The following NCOA6 variants were observed in gnomAD, a reference collection of about 807,000 sequenced individuals.
NCOA6 encodes the protein nuclear receptor coactivator 6.
A neutral mutation model predicts 171.4 loss-of-function variants in NCOA6; 49 were observed. That is an observed-to-expected ratio of 0.29 (90% confidence interval 0.23 to 0.36). The LOEUF is 0.36. Among genes scored for constraint, NCOA6 ranks in the 10% least tolerant of loss-of-function variants. The pLI is 1.00. For missense variants in NCOA6, 2,248 were observed against 2,554.5 expected (o/e 0.88, Z 2.59); for synonymous variants, 910 against 927.5 (o/e 0.98, Z 0.34).
chr20:34,775,345 C>T (rs141179222), intron 4 of NCOA6, among the ~76,000 whole-genome samples: 47 of 151,762 alleles, frequency 3.1e-4, no homozygotes, highest in African/African-American at 9.2e-4. Context: ...CGTGCGTGCA[C>T]GTGCTCATCA....
chr20:34,811,234 T>TATATATATATACATAC (rs1344933526), intron 1 of NCOA6, among the ~76,000 whole-genome samples: 9 of 119,956 alleles, frequency 7.5e-5, no homozygotes, highest in Non-Finnish European at 1.4e-4. Context: ...TATATATATA[T>TATATATATATACATAC]ATGCTTTCAA....
chr20:34,741,218 C>T lies in NCOA6; in HGVS notation c.5038G>A (p.Ala1680Thr), dbSNP rs778632318. The change falls in exon 11 of 15, where the codon GCA (alanine) becomes ACA (threonine). Residue 1680 changes from alanine to threonine, a missense_variant. By Grantham distance (58) the Ala-to-Thr change is moderately conservative. Around this residue, in one of 7 missense-constraint regions of NCOA6, gnomAD observed 884 missense variants for 941.9 expected, o/e 0.94. Coordinates refer to ENST00000359003, the MANE Select transcript of NCOA6 (RefSeq NM_014071.5). ...CCAGAGTTGGTTGTCAGTGGGGCTG[C>T]AGGAATTGTGCTTGGCTGTGATCCT... Reference protein sequence around the residue: ...MKGSQPSTIPAAPLTTNSGLM... With the variant: ...MKGSQPSTIPTAPLTTNSGLM... The T allele has an allele frequency of 6.2e-7, 1 of 1,614,218 alleles. No individual in the cohort carries two copies. The highest frequency in any genetic ancestry group is 8.5e-7 in the Non-Finnish European group (1 of 1,180,044).
intron 2 of NCOA6, among the ~76,000 whole-genome samples, chr20:34,789,772 C>G (rs1297277708): frequency 6.6e-6 from 1 of 152,018 alleles, no homozygotes. Context: ...CTCTGAGCAA[C>G]AGAGTGAGAC....
At position 34,741,837 on chromosome 20, in the gene NCOA6, G is replaced by A. The variant is rs780823583; in HGVS notation, c.4419C>T (p.Val1473=). 4.3e-6 allele frequency: 7 copies of A among 1,614,132 alleles called. No homozygotes were observed. The highest frequency in any genetic ancestry group is 2.2e-5 in the East Asian group (1 of 44,884). ...QPSDPNKLPS[V]EENKNLVSPA... ...GAGACACCAAATTTTTGTTCTCTTC[G>A]ACACTGGGAAGTTTGTTAGGATCCG... The change falls in exon 11 of 15, where the codon GTC becomes GTT. Residue 1473 remains valine, a synonymous_variant. Coordinates refer to ENST00000359003, the MANE Select transcript of NCOA6 (RefSeq NM_014071.5).
Position 34,741,303 on chromosome 20 carries a change from G to C in NCOA6, c.4953C>G (p.Ala1651=), listed in dbSNP as rs1190505889. ...AGACAGGTGTAATGAACTGAGGCCGGGCATTAGACTGAGCAGCTGACTGTC... is the reference window on the plus strand; with the variant it reads ...AGACAGGTGTAATGAACTGAGGCCGCGCATTAGACTGAGCAGCTGACTGTC... ...SEGQSAAQSN[A]RPQFITPVFI... The change falls in exon 11 of 15, where the codon GCC becomes GCG. Residue 1651 remains alanine (A), a synonymous_variant. Coordinates refer to ENST00000359003, the MANE Select transcript of NCOA6 (RefSeq NM_014071.5). 1.9e-6 allele frequency: 3 copies of C among 1,614,090 alleles called. No individual in the cohort carries two copies. The highest frequency in any genetic ancestry group is 2.5e-6 in the Non-Finnish European group (3 of 1,180,046).
In NCOA6 at chr20:34,758,947, C is replaced by A. The variant is rs1465048579; in HGVS notation, c.515-14G>T. The A allele has an allele frequency of 4.3e-6, 7 of 1,612,864 alleles. No homozygotes were observed. In the Admixed American group the frequency reaches 1.0e-4, roughly 23 times the overall value. ...TCCTTATTATTCCTAGAAAAAAGAT[C>A]CCTAAAATAGAGTACTGGAATTGGC... On this transcript the variant is annotated splice_polypyrimidine_tract_variant and intron_variant, in intron 5 of 14. Transcript: ENST00000359003.
chr20:34,726,071 C>T (rs1424518465), intron 14 of NCOA6, among the ~76,000 whole-genome samples: 1 of 152,096 alleles, frequency 6.6e-6, no homozygotes, highest in African/African-American at 2.4e-5. Flanking sequence ...GGAGGAGCAG[C>T]TGGAGAGGTG....
intron 3 of NCOA6, among the ~76,000 whole-genome samples, chr20:34,780,337 A>C (rs2077477447): frequency 6.6e-6 from 1 of 152,128 alleles, no homozygotes; most frequent in South Asian, 2.1e-4. Flanking sequence ...AGCACCATAA[A>C]TCTAGAGTTG....
rs1265086172 is a variant in NCOA6, at chr20:34,757,725, G to T, written c.1023C>A (p.Asn341Lys). Residue 341 changes from asparagine (N) to lysine (K), a missense_variant, in exon 7 of 15, where the codon AAC (asparagine) becomes AAA (lysine). Transcript: ENST00000359003. Reference protein sequence around the residue: ...AQGSLGTMTANQGWKKAPLPG... With the variant: ...AQGSLGTMTAKQGWKKAPLPG... ...GCAAGGGAGCCTTCTTCCACCCTTG[G>T]TTTGCAGTCATTGTGCCCAGAGAAC... 6.8e-6 allele frequency: 11 copies of T among 1,614,172 alleles called. No homozygotes were observed. Among genetic ancestry groups the T allele is most frequent in the Non-Finnish European group, 9.3e-6 (11 of 1,180,028 alleles).
At chr20:34,765,753 C>G (rs1369594110) in intron 5 of NCOA6, among the ~76,000 whole-genome samples, 2 of 152,070 alleles carry the variant, frequency 1.3e-5, no homozygotes, top group Non-Finnish European at 2.9e-5. Context: ...CCTCCCACAG[C>G]AAAAAATTAT....
chr20:34,764,148 C>CG (rs1263650571), intron 5 of NCOA6, among the ~76,000 whole-genome samples: 17 of 150,718 alleles, frequency 1.1e-4, no homozygotes, highest in Admixed American at 2.7e-4. Context: ...AGTGCAGTGG[C>CG]GCGATCTCGG....
chr20:34,774,481 ATTTG>A (rs1229520486), intron 4 of NCOA6, among the ~76,000 whole-genome samples: 2 of 152,258 alleles, frequency 1.3e-5, no homozygotes, highest in Non-Finnish European at 2.9e-5. Context: ...TTTCTAAATA[ATTTG>A]TTTGTTGGTA....
chr20:34,724,050 G>A (rs994096238), intron 14 of NCOA6, among the ~76,000 whole-genome samples: 1 of 152,198 alleles, frequency 6.6e-6, no homozygotes, highest in Admixed American at 6.5e-5. Context: ...CTCTAGGCAT[G>A]TTCCCTTTTA....
In NCOA6 at chr20:34,743,466, C is replaced by A. The variant is rs149937863; in HGVS notation, c.2915-125G>T. 3.0e-4 allele frequency: 300 copies of A among 991,046 alleles called. No homozygotes were observed. The African/African-American group carries it at 4.5e-3, about 15-fold the overall frequency. 61.4% of individuals were successfully genotyped at this position (991,046 alleles called of 1,614,324 possible). On this transcript the variant is annotated intron_variant, in intron 10 of 14. Coordinates refer to ENST00000359003, the MANE Select transcript of NCOA6 (RefSeq NM_014071.5). Reference sequence around the variant, plus strand: ...ACTATGCACAAACAGCTCAGGCATGCCCACTCCTGGGGCAGGGGGCAGCCC... The same window carrying A: ...ACTATGCACAAACAGCTCAGGCATGACCACTCCTGGGGCAGGGGGCAGCCC...
chr20:34,759,560 C>T (rs116564892), intron 5 of NCOA6, among the ~76,000 whole-genome samples: 68 of 152,132 alleles, frequency 4.5e-4, no homozygotes, highest in African/African-American at 1.6e-3. Flanking sequence ...TTTTTGTATG[C>T]TTTTAATCTT....
intron 7 of NCOA6, among the ~76,000 whole-genome samples, chr20:34,756,490 A>G (rs1462105039): frequency 6.6e-6 from 1 of 152,256 alleles, no homozygotes; most frequent in African/African-American, 2.4e-5. Flanking sequence ...AAAAGCTCCA[A>G]GCACATTCAT....
At chr20:34,782,978 C>A (rs919986182) in intron 2 of NCOA6, among the ~76,000 whole-genome samples, 1 of 152,128 alleles carries the variant, frequency 6.6e-6, no homozygotes, top group Non-Finnish European at 1.5e-5. Context: ...GAAATAAACA[C>A]TTAAAAATTC....
chr20:34,819,372 A>C (rs1488608520), intron 1 of NCOA6: 1 of 152,340 alleles, frequency 6.6e-6, no homozygotes, highest in African/African-American at 2.4e-5. Flanking sequence ...CAATTTTTCA[A>C]GGTTAAGTCA....
intron 5 of NCOA6, 76 bp from the exon 6 acceptor site, chr20:34,759,009 T>C (rs1350371306): frequency 1.8e-5 from 26 of 1,484,388 alleles, no homozygotes; most frequent in Non-Finnish European, 1.4e-5. Context: ...TTCAAGAATA[T>C]GAAAAGATAT....
Sources: gnomAD v4.1 joint callset for allele counts (sites outside exome capture counted in the v4.1 genomes callset) on GRCh38, gnomAD v4.1.1 for gene constraint, gnomAD v4.1.1 regional missense constraint, MANE v1.5 for transcripts, NCBI Gene and HGNC (gene_info 2026-07-23, HGNC 2026-07-21) for gene names.